JAK1: variants seen among roughly 807,000 people sequenced by gnomAD.
JAK1 encodes Janus kinase 1, also known as tyrosine-protein kinase JAK1.
A neutral mutation model predicts 136.6 loss-of-function variants in JAK1; 16 were observed. The observed-to-expected ratio is 0.12, with a 90% CI of 0.08 to 0.18. The LOEUF (loss-of-function observed/expected upper bound fraction) is 0.18. JAK1 is among the 10% of genes least tolerant of loss of function. The probability of loss-of-function intolerance (pLI) is 1.00; values close to 1 mark genes in which losing one functional copy is unlikely to be tolerated. For missense variants in JAK1, 859 were observed against 1,450.1 expected (o/e 0.59, Z 6.62); for synonymous variants, 492 against 519.5 (o/e 0.95, Z 0.72).
At chr1:64,873,751 C>T (rs1005563991) in intron 4 of JAK1, among the ~76,000 whole-genome samples, 1 of 152,188 alleles carries the variant, frequency 6.6e-6, no homozygotes, top group Admixed American at 6.5e-5. Context: ...AAGTGACTTC[C>T]CGAAGATCAC....
chr1:65,003,233 T>G (rs1205983469), intron 2 of JAK1, among the ~76,000 whole-genome samples: 1 of 151,896 alleles, frequency 6.6e-6, no homozygotes, highest in Non-Finnish European at 1.5e-5. Flanking sequence ...TAAGTTGTAT[T>G]TCTTCGGGTA....
At position 64,835,404 on chromosome 1, in the gene JAK1, G is replaced by A. The variant is rs1413899535; in HGVS notation, c.3361C>T (p.Pro1121Ser). ...GKRLPCPPNC[P>S]DEVYQLMRKC... The stretch of plus-strand genomic sequence containing the variant: ...ACGTGGCCCATAGATACCTCATCTG[G>A]ACAGTTAGGTGGGCACGGCAGGCGT... Residue 1121 changes from proline to serine, a missense_variant, in exon 24 of 25, where the codon CCA becomes TCA. Around this residue, in one of 4 missense-constraint regions of JAK1, gnomAD observed 53 missense variants for 64.8 expected, o/e 0.82. Coordinates refer to ENST00000342505, the MANE Select transcript of JAK1 (RefSeq NM_002227.4). 8 of 1,578,622 alleles carry A rather than the reference G, an allele frequency of 5.1e-6. No individual in the cohort carries two copies. The highest frequency in any genetic ancestry group is 6.9e-6 in the Non-Finnish European group (8 of 1,159,330).
chr1:65,007,747 T>C (rs189358592), intron 2 of JAK1, among the ~76,000 whole-genome samples: 87 of 127,790 alleles, frequency 6.8e-4, no homozygotes, highest in Admixed American at 2.0e-3. Context: ...ATAGGTATGT[T>C]TTTTTTTTTT....
chr1:65,030,108 G>A (rs1647009832), intron 2 of JAK1, among the ~76,000 whole-genome samples: 1 of 152,064 alleles, frequency 6.6e-6, no homozygotes. Flanking sequence ...GCCCTTGGTG[G>A]GATTAGTGCC....
chr1:65,042,351 T>G (rs1291786206), intron 2 of JAK1, among the ~76,000 whole-genome samples: 1 of 151,962 alleles, frequency 6.6e-6, no homozygotes, highest in Non-Finnish European at 1.5e-5. Flanking sequence ...GAAGGACAAC[T>G]GTATATACTT....
chr1:65,050,584 G>A (rs997682276), intron 1 of JAK1, among the ~76,000 whole-genome samples: 2 of 152,212 alleles, frequency 1.3e-5, no homozygotes, highest in South Asian at 2.1e-4. Context: ...CAGCTGAAGA[G>A]GAGAAGCCAC....
At position 64,985,136 on chromosome 1, in the gene JAK1, T is replaced by G. The variant is rs900432047; in HGVS notation, c.-78+59344A>C. The G allele has an allele frequency of 2.5e-6, 3 of 1,203,110 alleles. No individual in the cohort carries two copies. The East Asian group carries it at 7.0e-5, about 28-fold the overall frequency. 74.5% of individuals were successfully genotyped at this position (1,203,110 alleles called of 1,614,324 possible). A position where few individuals can be genotyped will look rare whatever the true frequency, so the allele number is the denominator to read the frequency against. ...CCCTTTCCACTAGAAATAGGGAAAC[T>G]ATAGTGAAGATAGTATTAACCACAC... On this transcript the variant is annotated intron_variant, in intron 2 of 25. Transcript: ENST00000671954.
chr1:64,856,930 C>A (rs566207122), intron 10 of JAK1, among the ~76,000 whole-genome samples: 41 of 152,320 alleles, frequency 2.7e-4, no homozygotes, highest in African/African-American at 9.4e-4. Flanking sequence ...TGGAGCCTAA[C>A]CAGTACTGAT....
At chr1:64,888,617 T>A (rs1644887932) in intron 1 of JAK1, among the ~76,000 whole-genome samples, 1 of 152,232 alleles carries the variant, frequency 6.6e-6, no homozygotes, top group Non-Finnish European at 1.5e-5. Context: ...ACTAGAATTC[T>A]ACAAAAACCA....
At chr1:64,860,419 C>CATTCATTTATTT in intron 8 of JAK1, among the ~76,000 whole-genome samples, 157 bp from the exon 9 acceptor site, 1 of 73,878 alleles carries the variant, frequency 1.4e-5, no homozygotes, top group Non-Finnish European at 2.3e-5. Flanking sequence ...CCCTTGCATG[C>CATTCATTTATTT]ATTTATTTAT....
At chr1:64,840,751 G>A (rs964447899) in intron 19 of JAK1, among the ~76,000 whole-genome samples, 3 of 152,058 alleles carry the variant, frequency 2.0e-5, no homozygotes, top group African/African-American at 7.2e-5. Flanking sequence ...AAGATTGCTT[G>A]AGCCTGGGAA....
Position 64,937,456 on chromosome 1 carries a change from C to T in JAK1, c.-78+28877G>A, listed in dbSNP as rs374973977. ...GAAAGAAGTTTCAAAGGTCCAACGC[C>T]GAGCATCTTTTACCTTTGCTAATTT... On this transcript the variant is annotated intron_variant, in intron 1 of 24. Coordinates refer to ENST00000342505, the MANE Select transcript of JAK1 (RefSeq NM_002227.4). 2.0e-4 allele frequency among the ~76,000 whole-genome samples: 31 copies of T among 152,244 alleles called. 5 individuals are homozygous for T. The highest frequency in any genetic ancestry group is 3.3e-4 in the Admixed American group (5 of 15,290).
At chr1:65,011,030 A>ATG (rs1646844427) in intron 2 of JAK1, among the ~76,000 whole-genome samples, 1 of 152,254 alleles carries the variant, frequency 6.6e-6, no homozygotes, top group African/African-American at 2.4e-5. Flanking sequence ...CAACTTGAAT[A>ATG]TTTATGAAAC....
Position 64,886,316 on chromosome 1 carries a change from C to A in JAK1, c.-52G>T. 1 of 1,573,098 alleles carries A rather than the reference C, an allele frequency of 6.4e-7. No individual in the cohort carries two copies. The highest frequency in any genetic ancestry group is 8.6e-7 in the Non-Finnish European group (1 of 1,164,626). On this transcript the variant is annotated 5_prime_UTR_variant, in exon 2 of 25. Transcript: ENST00000342505. ...GAAGCAAACTGGATTTTCTTCTCTA[C>A]TTTCCAAAGCTACTTCAGAGAAGCG...
At chr1:64,871,355 T>C (rs1162762449) in intron 5 of JAK1, among the ~76,000 whole-genome samples, 1 of 152,180 alleles carries the variant, frequency 6.6e-6, no homozygotes, top group African/African-American at 2.4e-5. Flanking sequence ...CAGGACCACC[T>C]ACGTATGCAG....
At chr1:65,036,459 G>A (rs1300844938) in intron 2 of JAK1, among the ~76,000 whole-genome samples, 1 of 152,070 alleles carries the variant, frequency 6.6e-6, no homozygotes, top group Non-Finnish European at 1.5e-5. Flanking sequence ...AAGGGAGCAG[G>A]GAACAAGGTA....
chr1:65,026,613 G>A (rs1646979582), intron 2 of JAK1, among the ~76,000 whole-genome samples: 1 of 152,208 alleles, frequency 6.6e-6, no homozygotes. Flanking sequence ...CTTAGGGGCA[G>A]CCATCTGGCT....
At chr1:64,926,135 A>C (rs1645578053) in intron 1 of JAK1, among the ~76,000 whole-genome samples, 2 of 152,104 alleles carry the variant, frequency 1.3e-5, no homozygotes, top group South Asian at 2.1e-4. Context: ...TGATGCATAA[A>C]CTGAAAGCTT....
chr1:65,062,693 C>T (rs1647845130), intron 1 of JAK1, among the ~76,000 whole-genome samples: 1 of 152,204 alleles, frequency 6.6e-6, no homozygotes, highest in Admixed American at 6.5e-5. Context: ...TTGTATACTG[C>T]AATTTAATTT....
Sources: gnomAD v4.1 joint callset for allele counts (sites outside exome capture counted in the v4.1 genomes callset) on GRCh38, gnomAD v4.1.1 for gene constraint, gnomAD v4.1.1 regional missense constraint, MANE v1.5 for transcripts, NCBI Gene and HGNC (gene_info 2026-07-23, HGNC 2026-07-21) for gene names.